The following NRG1 variants were observed in gnomAD, a reference collection of about 807,000 sequenced individuals.
NRG1 encodes the protein pro-neuregulin-1, membrane-bound isoform.
NRG1 carries 18 observed loss-of-function variants against 63.8 expected under a neutral mutation model. The ratio of observed to expected loss-of-function variants is 0.28; its 90% CI spans 0.19 to 0.42. The LOEUF (loss-of-function observed/expected upper bound fraction) is 0.42, where lower values mean the gene tolerates loss of function less well. NRG1 is among the 10% of genes least tolerant of loss of function. The pLI, the probability that NRG1 is intolerant of heterozygous loss-of-function variation, is 1.00. For missense variants in NRG1, 762 were observed against 814.7 expected, an observed-to-expected ratio of 0.94 and a Z score of 0.79; for synonymous variants, 302 against 301.3, an observed-to-expected ratio of 1.00 and a Z score of -0.02.
chr8:31,934,741 CT>C (rs1835161991), intron 1 of NRG1, among the ~76,000 whole-genome samples: 5 of 152,054 alleles, frequency 3.3e-5, no homozygotes, highest in Admixed American at 2.6e-4. Context: ...TCAACTCTAT[CT>C]TTCTATCTAT....
At chr8:32,698,753 T>C (rs2128955246) in intron 5 of NRG1, among the ~76,000 whole-genome samples, 1 of 152,320 alleles carries the variant, frequency 6.6e-6, no homozygotes, top group Non-Finnish European at 1.5e-5. Context: ...TTGGAGGCTT[T>C]CTAGTCTTTC....
At chr8:32,497,334 C>G (rs745650673) in intron 1 of NRG1, among the ~76,000 whole-genome samples, 8 of 151,480 alleles carry the variant, frequency 5.3e-5, no homozygotes, top group South Asian at 2.1e-4. Flanking sequence ...GTAATCCCAG[C>G]TACTTGGGAG....
At chr8:32,547,246 C>T (rs946815816), upstream of NRG1, among the ~76,000 whole-genome samples, 3 of 152,122 alleles carry the variant, frequency 2.0e-5, no homozygotes, top group Non-Finnish European at 2.9e-5. Context: ...TATTTCCTTG[C>T]TCTTTAGAAT....
At chr8:32,479,435 C>A (rs1405508671) in intron 1 of NRG1, among the ~76,000 whole-genome samples, 1 of 151,454 alleles carries the variant, frequency 6.6e-6, no homozygotes, top group Non-Finnish European at 1.5e-5. Flanking sequence ...CGAGATCGTA[C>A]CACTGCACTC....
At chr8:32,175,959 C>A (rs1471522363) in intron 1 of NRG1, among the ~76,000 whole-genome samples, 1 of 152,162 alleles carries the variant, frequency 6.6e-6, no homozygotes, top group Non-Finnish European at 1.5e-5. Flanking sequence ...CAATGACTTT[C>A]TTCACAGAAT....
At chr8:32,453,795 C>T (rs1313751976) in intron 1 of NRG1, among the ~76,000 whole-genome samples, 1 of 152,126 alleles carries the variant, frequency 6.6e-6, no homozygotes. Context: ...TCCTTTTAAC[C>T]CTGCTAGGAT....
At chr8:32,148,601 T>C (rs1323984923) in intron 1 of NRG1, among the ~76,000 whole-genome samples, 3 of 152,196 alleles carry the variant, frequency 2.0e-5, no homozygotes, top group Non-Finnish European at 4.4e-5. Flanking sequence ...AGAAAGATTT[T>C]CAGGCACTGA....
chr8:32,289,051 C>T (rs766714498), intron 1 of NRG1, among the ~76,000 whole-genome samples: 1 of 152,304 alleles, frequency 6.6e-6, no homozygotes, highest in East Asian at 1.9e-4. Flanking sequence ...CTCTGAATTA[C>T]AAACAGAAGG....
chr8:31,749,279 T>C (rs1412278799), intron 1 of NRG1, among the ~76,000 whole-genome samples: 1 of 151,876 alleles, frequency 6.6e-6, no homozygotes, highest in Non-Finnish European at 1.5e-5. Context: ...CGTTTTCTAA[T>C]GTATTAGTTT....
chr8:31,809,138 A>G (rs188275584), intron 1 of NRG1, among the ~76,000 whole-genome samples: 2 of 151,902 alleles, frequency 1.3e-5, no homozygotes, highest in Admixed American at 1.3e-4. Flanking sequence ...TCTAATTCCC[A>G]TGTTTCTGTA....
intron 1 of NRG1, among the ~76,000 whole-genome samples, chr8:31,723,371 A>G (rs1410552045): frequency 1.3e-5 from 2 of 152,184 alleles, no homozygotes; most frequent in African/African-American, 4.8e-5. Flanking sequence ...GAATTTTGTC[A>G]TGGATTTGCA....
intron 1 of NRG1, among the ~76,000 whole-genome samples, chr8:31,970,116 C>T (rs987684776): frequency 2.6e-5 from 4 of 152,048 alleles, no homozygotes; most frequent in African/African-American, 9.7e-5. Flanking sequence ...TCAAGCGTAT[C>T]TTTCCAACTT....
At chr8:32,526,545 T>A (rs1830864650) in intron 1 of NRG1, among the ~76,000 whole-genome samples, 1 of 152,148 alleles carries the variant, frequency 6.6e-6, no homozygotes, top group Admixed American at 6.5e-5. Context: ...TTAGAGGCTA[T>A]TTTAGTCTGT....
intron 1 of NRG1, among the ~76,000 whole-genome samples, chr8:32,031,418 G>A (rs906675157): frequency 2.0e-5 from 3 of 152,130 alleles, no homozygotes; most frequent in African/African-American, 7.2e-5. Flanking sequence ...CCTGCAGCTC[G>A]CTGCACGTGA....
chr8:31,764,321 A>G (rs1410756742), intron 1 of NRG1, among the ~76,000 whole-genome samples: 1 of 152,228 alleles, frequency 6.6e-6, no homozygotes, highest in Non-Finnish European at 1.5e-5. Context: ...TGACATTGAT[A>G]CAGTCATGAT....
At chr8:31,836,911 C>G (rs1323134055) in intron 1 of NRG1, among the ~76,000 whole-genome samples, 1 of 152,044 alleles carries the variant, frequency 6.6e-6, no homozygotes, top group African/African-American at 2.4e-5. Context: ...AATCTGTAAT[C>G]TCTATGCCTT....
At chr8:32,492,771 C>T (rs979256930) in intron 1 of NRG1, among the ~76,000 whole-genome samples, 4 of 152,094 alleles carry the variant, frequency 2.6e-5, no homozygotes, top group African/African-American at 4.8e-5. Context: ...CTCTCACAGT[C>T]CTAGTTTCTC....
chr8:32,384,583 T>C (rs543811439), intron 1 of NRG1, among the ~76,000 whole-genome samples: 2 of 152,338 alleles, frequency 1.3e-5, no homozygotes, highest in East Asian at 1.9e-4. Context: ...ATAGAATAGA[T>C]ACAATTTTGC....
chr8:31,925,231 T>C (rs1409141277), intron 1 of NRG1, among the ~76,000 whole-genome samples: 1 of 151,340 alleles, frequency 6.6e-6, no homozygotes, highest in African/African-American at 2.4e-5. Flanking sequence ...CAAACTTTGG[T>C]TGTGAATGTA....
Sources: allele counts gnomAD v4.1 joint callset (sites outside exome capture counted in the v4.1 genomes callset), GRCh38; gene constraint gnomAD v4.1.1; transcripts MANE v1.5; gene names NCBI Gene and HGNC (gene_info 2026-07-23, HGNC 2026-07-21).